CELF2: variants seen among roughly 807,000 people sequenced by gnomAD.
CELF2 encodes CUG triplet repeat RNA-binding protein 2.
CELF2 carries 8 observed loss-of-function variants against 62.6 expected under a neutral mutation model. The observed-to-expected ratio is 0.13, with a 90% confidence interval of 0.07 to 0.23. The LOEUF is 0.23. Ranked by LOEUF, CELF2 falls within the 10% of genes least tolerant of loss-of-function variation. The pLI, the probability that CELF2 is intolerant of heterozygous loss-of-function variation, is 1.00. For synonymous variants in CELF2, 258 were observed against 250.0 expected, an observed-to-expected ratio of 1.03 and a Z score of -0.30; for missense variants, 333 against 671.0, an observed-to-expected ratio of 0.50 and a Z score of 5.56.
chr10:11,133,179 A>G (rs971009705), intron 1 of CELF2, among the ~76,000 whole-genome samples: 7 of 152,224 alleles, frequency 4.6e-5, no homozygotes, highest in Admixed American at 1.3e-4. Flanking sequence ...AAACACATCT[A>G]ACTTCTCCCG....
chr10:10,594,056 G>A, the CELF2 span, among the ~76,000 whole-genome samples: 6 of 152,192 alleles, frequency 3.9e-5, no homozygotes, highest in African/African-American at 9.7e-5. Context: ...GAGCAGTTAC[G>A]ATCCAGATAC....
At chr10:11,216,794 G>A (rs1349102588) in intron 2 of CELF2, among the ~76,000 whole-genome samples, 5 of 152,216 alleles carry the variant, frequency 3.3e-5, no homozygotes, top group South Asian at 2.1e-4. Context: ...ATGGGCCAGA[G>A]TCCACTAACA....
At chr10:10,634,961 A>T in the CELF2 span, among the ~76,000 whole-genome samples, 3 of 152,190 alleles carry the variant, frequency 2.0e-5, no homozygotes, top group Non-Finnish European at 4.4e-5. Flanking sequence ...GTTTTGGCTC[A>T]GCCCTCCAGG....
chr10:10,667,715 A>G, the CELF2 span, among the ~76,000 whole-genome samples: 2 of 152,202 alleles, frequency 1.3e-5, no homozygotes, highest in Non-Finnish European at 2.9e-5. Context: ...CCAGTCCCCA[A>G]TCCACTGGAA....
chr10:10,775,625 A>T, the CELF2 span, among the ~76,000 whole-genome samples: 24,486 of 108,132 alleles, frequency 0.23, 2,407 homozygotes, highest in East Asian at 0.42. Flanking sequence ...AAAAAAAAAA[A>T]ATATATATAT....
Position 11,321,422 on chromosome 10 carries a change from C to G in CELF2, c.1294+36C>G. 6.4e-7 allele frequency: 1 copy of G among 1,572,070 alleles called. No homozygotes were observed. Among genetic ancestry groups the G allele is most frequent in the Non-Finnish European group, 8.6e-7 (1 of 1,156,518 alleles). The stretch of plus-strand genomic sequence containing the variant: ...CCCTTGGCCCCAGGCAGGGCCCAGC[C>G]CAACAGGCAGCACTGGCCTCTAGAG... On this transcript the variant is annotated intron_variant, in intron 11 of 12. Transcript: ENST00000633077. This position sits in a 1 kb window ranked among gnomAD's most constrained non-coding sequence, Gnocchi z 6.2.
the CELF2 span, among the ~76,000 whole-genome samples, chr10:10,749,661 G>A: frequency 6.6e-6 from 1 of 152,138 alleles, no homozygotes; most frequent in Admixed American, 6.5e-5. Context: ...TGAAAAGAAG[G>A]CTGCTCGGAT....
chr10:10,829,393 A>G (rs149378244), intron 1 of CELF2, among the ~76,000 whole-genome samples: 1 of 152,344 alleles, frequency 6.6e-6, no homozygotes, highest in African/African-American at 2.4e-5. Context: ...CCTAATTGTT[A>G]ACAAGCTGTG....
At chr10:10,924,562 A>G (rs564319675) in intron 2 of CELF2, among the ~76,000 whole-genome samples, 2 of 152,272 alleles carry the variant, frequency 1.3e-5, no homozygotes, top group East Asian at 3.9e-4. Context: ...GAGGACCACG[A>G]AGTATTCGTA....
In CELF2 at chr10:11,219,227, C is replaced by T. The variant is rs566534833; in HGVS notation, c.354+1720C>T. On this transcript the variant is annotated intron_variant, in intron 3 of 12. Coordinates refer to ENST00000633077, the MANE Select transcript of CELF2 (RefSeq NM_001326342.2). ...CATGCGATCTTCATAGTCGAGGGTG[C>T]TCTCAAGAAACCCAGAGTGAATATG... is the stretch of plus-strand genomic sequence containing the variant. 1.1e-3 allele frequency among the ~76,000 whole-genome samples: 170 copies of T among 152,308 alleles called. 2 individuals are homozygous for T. The highest frequency in any genetic ancestry group is 3.9e-3 in the African/African-American group (164 of 41,560).
chr10:10,689,916 C>G, the CELF2 span, among the ~76,000 whole-genome samples: 1 of 152,178 alleles, frequency 6.6e-6, no homozygotes, highest in Non-Finnish European at 1.5e-5. Flanking sequence ...TTTCATTCAA[C>G]AAGTATATGT....
chr10:10,699,044 A>G, the CELF2 span, among the ~76,000 whole-genome samples: 6 of 152,020 alleles, frequency 3.9e-5, no homozygotes, highest in South Asian at 2.1e-4. Context: ...ATACTAGTGT[A>G]TGTTATCTAC....
chr10:10,547,723 G>A, the CELF2 span, among the ~76,000 whole-genome samples: 1 of 151,752 alleles, frequency 6.6e-6, no homozygotes, highest in Non-Finnish European at 1.5e-5. Context: ...GTGTGTGTGT[G>A]TGTGTGTATC....
upstream of CELF2, among the ~76,000 whole-genome samples, chr10:10,797,680 T>A (rs915597202): frequency 1.3e-5 from 2 of 152,174 alleles, no homozygotes; most frequent in African/African-American, 2.4e-5. Context: ...CTGGACCAGA[T>A]GATTTCAAGG....
the CELF2 span, among the ~76,000 whole-genome samples, chr10:10,565,736 A>G: frequency 6.6e-6 from 1 of 152,190 alleles, no homozygotes; most frequent in Non-Finnish European, 1.5e-5. Flanking sequence ...GGTAATGCAA[A>G]TATCTGTTAC....
the CELF2 span, among the ~76,000 whole-genome samples, chr10:10,667,987 C>T: frequency 2.3e-3 from 345 of 152,230 alleles, 3 homozygotes; most frequent in Non-Finnish European, 2.9e-3. Context: ...AAACAAGCAC[C>T]CGTGCCAGCC....
intron 8 of CELF2, among the ~76,000 whole-genome samples, chr10:11,283,407 T>C (rs1448846551): frequency 6.6e-6 from 1 of 152,240 alleles, no homozygotes; most frequent in Non-Finnish European, 1.5e-5. Flanking sequence ...GCACAGGGTC[T>C]AGCCCATCAT....
At chr10:11,003,888 T>C (rs1363689279), upstream of CELF2, among the ~76,000 whole-genome samples, 2 of 152,222 alleles carry the variant, frequency 1.3e-5, no homozygotes, top group Non-Finnish European at 2.9e-5. This position sits in a 1 kb window ranked among gnomAD's most constrained non-coding sequence, Gnocchi z 4.4. Context: ...TCTCATTTCA[T>C]GATCTGATTT....
the CELF2 span, among the ~76,000 whole-genome samples, chr10:10,756,163 C>T: frequency 1.3e-5 from 2 of 152,096 alleles, no homozygotes; most frequent in Admixed American, 6.6e-5. Context: ...CATGGTGGCC[C>T]GCCAAAAATA....
Sources: gnomAD v4.1 joint callset for allele counts (sites outside exome capture counted in the v4.1 genomes callset) on GRCh38, gnomAD v4.1.1 for gene constraint, Gnocchi (gnomAD v3.1) non-coding constraint, MANE v1.5 for transcripts, NCBI Gene and HGNC (gene_info 2026-07-23, HGNC 2026-07-21) for gene names.